SGK3: variants seen among roughly 807,000 people sequenced by gnomAD.
SGK3 encodes the protein serum/glucocorticoid regulated kinase family member 3, also known as serine/threonine-protein kinase Sgk3.
A neutral mutation model predicts 68.5 loss-of-function variants in SGK3; 47 were observed. The ratio of observed to expected loss-of-function variants is 0.69; its 90% confidence interval spans 0.54 to 0.87. The LOEUF is 0.87. Ranked by LOEUF, SGK3 falls within the 40% of genes least tolerant of loss-of-function variation. The pLI, the probability that SGK3 is intolerant of heterozygous loss-of-function variation, is 0.00. For synonymous variants in SGK3, 181 were observed against 189.1 expected (o/e 0.96, Z 0.35); for missense variants, 479 against 575.5 (o/e 0.83, Z 1.72).
Position 66,836,306 on chromosome 8 carries a change from A to G in SGK3, c.741+232A>G, listed in dbSNP as rs540824743. ...ACCTTGATATGAAGCTGCTGGCTTC[A>G]TGGACAGGTTTGTCACTAAACTGTA... On this transcript the variant is annotated intron_variant, in intron 10 of 16. Transcript: ENST00000521198. 3.9e-5 allele frequency among the ~76,000 whole-genome samples: 6 copies of G among 152,362 alleles called. No individual in the cohort carries two copies. The East Asian group carries it at 9.6e-4, about 24-fold the overall frequency.
intron 1 of SGK3, among the ~76,000 whole-genome samples, chr8:66,777,666 T>G (rs1451793751): frequency 6.6e-6 from 1 of 152,196 alleles, no homozygotes; most frequent in Non-Finnish European, 1.5e-5. Flanking sequence ...ATTTGACACT[T>G]ACAGCCCTGC....
At chr8:66,786,734 C>G (rs1043201871) in intron 1 of SGK3, among the ~76,000 whole-genome samples, 2 of 152,082 alleles carry the variant, frequency 1.3e-5, no homozygotes, top group African/African-American at 4.8e-5. Flanking sequence ...TGGGTGGAAT[C>G]TCTTTCAAAC....
At chr8:66,718,166 C>T (rs1804691891) in intron 1 of SGK3, among the ~76,000 whole-genome samples, 1 of 151,854 alleles carries the variant, frequency 6.6e-6, no homozygotes, top group Non-Finnish European at 1.5e-5. Flanking sequence ...GCTGGGACTA[C>T]AGGCGCCTAC....
chr8:66,843,401 T>G, intron 13 of SGK3, 51 bp from the exon 14 acceptor site: 1 of 1,547,316 alleles, frequency 6.5e-7, no homozygotes, highest in Non-Finnish European at 8.8e-7. Context: ...TTTATAAATT[T>G]TGTCTTGATT....
intron 1 of SGK3, among the ~76,000 whole-genome samples, chr8:66,729,421 A>G (rs1342475383): frequency 6.6e-6 from 1 of 152,002 alleles, no homozygotes; most frequent in African/African-American, 2.4e-5. Flanking sequence ...GCGCCACTGC[A>G]CTCCAGTCTG....
Sources: allele counts gnomAD v4.1 joint callset (sites outside exome capture counted in the v4.1 genomes callset), GRCh38; gene constraint gnomAD v4.1.1; transcripts MANE v1.5; gene names NCBI Gene and HGNC (gene_info 2026-07-23, HGNC 2026-07-21).